LRPPRC: variants seen among roughly 807,000 people sequenced by gnomAD.
LRPPRC encodes the protein leucine-rich PPR motif-containing protein, mitochondrial.
A neutral mutation model predicts 180.3 loss-of-function variants in LRPPRC; 120 were observed. The ratio of observed to expected loss-of-function variants is 0.67; its 90% CI spans 0.57 to 0.77. LRPPRC has a LOEUF of 0.77. LRPPRC is among the 30% of genes least tolerant of loss of function. The probability of loss-of-function intolerance (pLI) is 0.00; values close to 1 mark genes in which losing one functional copy is unlikely to be tolerated. For missense variants in LRPPRC, 2,012 were observed against 1,657.2 expected (o/e 1.21, Z -3.72); for synonymous variants, 723 against 600.0 (o/e 1.21, Z -3.00).
rs768989151 is a variant in LRPPRC, at chr2:43,899,584, T to C, written c.3591A>G (p.Ile1197Met). 3 of 1,610,914 alleles carry C rather than the reference T, an allele frequency of 1.9e-6. No individual in the cohort carries two copies. Among genetic ancestry groups the C allele is most frequent in the Admixed American group, 3.3e-5 (2 of 60,012 alleles). The part of the protein sequence containing the change: ...QIKNNNIDAA[I>M]ENIENMLTSE... The stretch of plus-strand genomic sequence containing the variant: ...AAGTAAGCATATTTTCAATGTTTTC[T>C]ATTGCGGCATCTATGTTATTACTGT... The change falls in exon 33 of 38, where the codon ATA becomes ATG. Residue 1197 changes from isoleucine (I) to methionine (M), a missense_variant. Coordinates refer to ENST00000260665, the MANE Select transcript of LRPPRC (RefSeq NM_133259.4).
intron 7 of LRPPRC, 90 bp from the exon 8 acceptor site, chr2:43,974,848 A>T: frequency 7.6e-7 from 1 of 1,318,596 alleles, no homozygotes; most frequent in South Asian, 1.2e-5. Context: ...TCAAAAAACT[A>T]GGGAAAAATA....
chr2:43,889,714 C>CTTAA lies in LRPPRC; in HGVS notation c.4128+16_4128+19dup. ...TAAATCTGCAGAGGTATTTTTTCCC[C>CTTAA]TTAATTAAGAAATACTCACAGGGGG... On this transcript the variant is annotated intron_variant, in intron 37 of 37. Transcript: ENST00000260665. 1 of 1,599,678 alleles carries CTTAA rather than the reference C, an allele frequency of 6.3e-7. No individual in the cohort carries two copies. Among genetic ancestry groups the CTTAA allele is most frequent in the Non-Finnish European group, 8.6e-7 (1 of 1,167,092 alleles).
intron 12 of LRPPRC, 113 bp downstream of exon 12, chr2:43,963,475 G>C: frequency 1.3e-6 from 1 of 780,596 alleles, no homozygotes; most frequent in South Asian, 1.4e-5. Flanking sequence ...ATTGTATACA[G>C]ATTTGACCAT....
At chr2:43,985,655 G>T (rs571900970) in intron 1 of LRPPRC, among the ~76,000 whole-genome samples, 1 of 152,274 alleles carries the variant, frequency 6.6e-6, no homozygotes, top group African/African-American at 2.4e-5. Context: ...TCTTTTCACA[G>T]CATGACGGCG....
intron 22 of LRPPRC, among the ~76,000 whole-genome samples, chr2:43,944,305 T>C (rs1237991330): frequency 6.6e-6 from 1 of 152,098 alleles, no homozygotes; most frequent in East Asian, 1.9e-4. Context: ...GCCAGACTAA[T>C]GGTCTGATAC....
chr2:43,896,461 C>G (rs1670690692), intron 35 of LRPPRC, 173 bp downstream of exon 35: 3 of 573,350 alleles, frequency 5.2e-6, no homozygotes, highest in Non-Finnish European at 6.3e-6. Context: ...TTTTACATTT[C>G]CAGTACAGCT....
At chr2:43,963,559 T>C (rs1204796734) in intron 12 of LRPPRC, 29 bp downstream of exon 12, 3 of 1,276,000 alleles carry the variant, frequency 2.4e-6, no homozygotes, top group Non-Finnish European at 3.4e-6. Context: ...CCTCTTCAAT[T>C]ATTAAATTAA....
chr2:43,926,976 T>A (rs1022732046), intron 25 of LRPPRC, among the ~76,000 whole-genome samples: 1 of 152,216 alleles, frequency 6.6e-6, no homozygotes, highest in Non-Finnish European at 1.5e-5. Context: ...CAATTAGAAA[T>A]TACTATCGTT....
At chr2:43,905,963 T>G (rs773982654) in intron 30 of LRPPRC, among the ~76,000 whole-genome samples, 183 bp from the exon 31 acceptor site, 8 of 152,204 alleles carry the variant, frequency 5.3e-5, no homozygotes, top group Non-Finnish European at 1.2e-4. Context: ...ATAATTTTTT[T>G]TTGCATTCTG....
chr2:43,986,112 T>C (rs78497343), intron 1 of LRPPRC, among the ~76,000 whole-genome samples: 4,307 of 152,206 alleles, frequency 0.028, 225 homozygotes, highest in African/African-American at 0.098. Context: ...TCTTTTCTGG[T>C]GAAGTATTTT....
intron 27 of LRPPRC, among the ~76,000 whole-genome samples, chr2:43,922,561 C>T (rs1480642693): frequency 6.6e-6 from 1 of 152,160 alleles, no homozygotes; most frequent in Non-Finnish European, 1.5e-5. Flanking sequence ...AGTTCGAGAC[C>T]ATCCTGGCTA....
At chr2:43,936,233 G>T (rs568101513) in intron 23 of LRPPRC, among the ~76,000 whole-genome samples, 2 of 152,248 alleles carry the variant, frequency 1.3e-5, no homozygotes, top group South Asian at 4.1e-4. Flanking sequence ...ACAGAGGAAG[G>T]TACTAGGTAA....
intron 29 of LRPPRC, among the ~76,000 whole-genome samples, chr2:43,915,230 T>TCA (rs1180144465): frequency 8.0e-4 from 38 of 47,440 alleles, no homozygotes; most frequent in African/African-American, 3.1e-3. Context: ...TCTCTCTCTC[T>TCA]CTCACACACA....
chr2:43,924,190 A>C (rs530151017), intron 27 of LRPPRC, among the ~76,000 whole-genome samples: 4 of 151,940 alleles, frequency 2.6e-5, no homozygotes, highest in South Asian at 2.1e-4. Context: ...CCAAGAGAAA[A>C]GAAGAACAAT....
chr2:43,987,408 T>C (rs1020107748), intron 1 of LRPPRC, among the ~76,000 whole-genome samples: 4 of 138,596 alleles, frequency 2.9e-5, no homozygotes, highest in Non-Finnish European at 6.0e-5. Flanking sequence ...GGCAGGAGAA[T>C]GGCGTTAACC....
chr2:43,969,927 C>T (rs1673730377), intron 11 of LRPPRC, among the ~76,000 whole-genome samples: 1 of 152,178 alleles, frequency 6.6e-6, no homozygotes, highest in Non-Finnish European at 1.5e-5. Context: ...GCCCCTACTT[C>T]AGCCTCCCAA....
chr2:43,963,201 A>G (rs1673419075), intron 12 of LRPPRC, among the ~76,000 whole-genome samples: 2 of 152,106 alleles, frequency 1.3e-5, no homozygotes. Context: ...TCCCAACACT[A>G]TGAGAGGCTG....
At chr2:43,896,400 T>TG (rs1670688800) in intron 35 of LRPPRC, 3 of 408,652 alleles carry the variant, frequency 7.3e-6, no homozygotes, top group East Asian at 1.0e-4. Context: ...GGCCTTTTCT[T>TG]GGGGCTCTCA....
At chr2:43,947,167 G>A (rs1672709663) in intron 20 of LRPPRC, 90 bp downstream of exon 20, 6 of 653,558 alleles carry the variant, frequency 9.2e-6, no homozygotes, top group Middle Eastern at 4.1e-4. Context: ...ACGATCAATT[G>A]TAAAAATCAT....
Sources: allele counts gnomAD v4.1 joint callset (sites outside exome capture counted in the v4.1 genomes callset), GRCh38; gene constraint gnomAD v4.1.1; transcripts MANE v1.5; gene names NCBI Gene and HGNC (gene_info 2026-07-23, HGNC 2026-07-21).